NAALADL2: variants seen among roughly 807,000 people sequenced by gnomAD.
NAALADL2 encodes the protein N-acetylated alpha-linked acidic dipeptidase like 2.
NAALADL2 carries 76 observed loss-of-function variants against 87.2 expected under a neutral mutation model. The ratio of observed to expected loss-of-function variants is 0.87; its 90% CI spans 0.72 to 1.05. The LOEUF (loss-of-function observed/expected upper bound fraction) is 1.05. Ranked by LOEUF, NAALADL2 falls within the 50% of genes least tolerant of loss-of-function variation. The pLI is 0.00. For synonymous variants in NAALADL2, 354 were observed against 331.0 expected (o/e 1.07, Z -0.75); for missense variants, 1,089 against 945.8 (o/e 1.15, Z -1.99).
chr3:175,218,078 T>C (rs1464207474), intron 2 of NAALADL2: 3 of 426,696 alleles, frequency 7.0e-6, no homozygotes, highest in Non-Finnish European at 1.4e-5. Flanking sequence ...ATTTTTAGGA[T>C]AAAATGAAGC....
intron 4 of NAALADL2, among the ~76,000 whole-genome samples, chr3:175,281,082 A>G (rs1210152546): frequency 1.3e-5 from 2 of 148,560 alleles, no homozygotes; most frequent in Non-Finnish European, 3.0e-5. Flanking sequence ...TTTTCTTTTG[A>G]ATTTATATAA....
chr3:175,591,784 G>GTGTGTGTGTA (rs1443245536), intron 10 of NAALADL2, among the ~76,000 whole-genome samples: 16 of 137,018 alleles, frequency 1.2e-4, no homozygotes, highest in African/African-American at 4.2e-4. Flanking sequence ...GTGTGTGTGT[G>GTGTGTGTGTA]TATATATATA....
intron 1 of NAALADL2, among the ~76,000 whole-genome samples, chr3:174,549,874 T>A (rs1711910952): frequency 6.6e-6 from 1 of 151,950 alleles, no homozygotes; most frequent in Admixed American, 6.6e-5. Flanking sequence ...GGAGCATTTA[T>A]TCCATAACAG....
chr3:175,571,327 A>G (rs1228149787), intron 9 of NAALADL2, among the ~76,000 whole-genome samples: 1 of 152,146 alleles, frequency 6.6e-6, no homozygotes, highest in Non-Finnish European at 1.5e-5. Flanking sequence ...TGCCCCTGTT[A>G]TGAACTGGAA....
chr3:175,218,783 ATTATTTTATT>A (rs369523162), intron 2 of NAALADL2, among the ~76,000 whole-genome samples: 65 of 151,754 alleles, frequency 4.3e-4, no homozygotes, highest in African/African-American at 1.2e-3. Context: ...TATTCATTTC[ATTATTTTATT>A]TTATTTTATT....
At position 175,206,264 on chromosome 3, in the gene NAALADL2, T is replaced by TATATATATATATATATA. The variant is rs750185480; in HGVS notation, c.546-27667_546-27666insATATATATATATATATA. On this transcript the variant is annotated intron_variant, in intron 2 of 13. Transcript: ENST00000454872. ...AAAAACTATATATATATATATATAT[T>TATATATATATATATATA]TTTTTTTTTCACTGTGTGTGTGTAT... Among the ~76,000 whole-genome samples, 286 of 69,474 alleles carry TATATATATATATATATA rather than the reference T, an allele frequency of 4.1e-3. 11 individuals carry two copies. The highest frequency in any genetic ancestry group is 0.011 in the African/African-American group (186 of 16,744). The allele number at this position is 69,474 out of a possible 152,430, so 45.6% of individuals were successfully genotyped here.
At chr3:174,768,515 T>C (rs1300778759) in intron 3 of NAALADL2, among the ~76,000 whole-genome samples, 1 of 152,182 alleles carries the variant, frequency 6.6e-6, no homozygotes, top group Non-Finnish European at 1.5e-5. Context: ...CCAACTCCAG[T>C]GCTTGACTCA....
chr3:175,425,375 C>T (rs1716597397), intron 5 of NAALADL2, among the ~76,000 whole-genome samples: 1 of 152,152 alleles, frequency 6.6e-6, no homozygotes, highest in Non-Finnish European at 1.5e-5. Flanking sequence ...CCTGGCTCCT[C>T]ACTCCTCCTG....
At chr3:175,584,195 G>A (rs1720212329) in intron 10 of NAALADL2, among the ~76,000 whole-genome samples, 1 of 152,020 alleles carries the variant, frequency 6.6e-6, no homozygotes, top group Non-Finnish European at 1.5e-5. Context: ...GCACCACCAT[G>A]CCCAGCTGAT....
At chr3:174,742,041 A>G (rs954808649) in intron 3 of NAALADL2, among the ~76,000 whole-genome samples, 2 of 151,686 alleles carry the variant, frequency 1.3e-5, no homozygotes, top group African/African-American at 4.8e-5. Context: ...TTTCAAACTG[A>G]ATGTTCACCT....
intron 6 of NAALADL2, among the ~76,000 whole-genome samples, chr3:175,457,110 T>C (rs962951095): frequency 6.6e-6 from 1 of 152,038 alleles, no homozygotes; most frequent in African/African-American, 2.4e-5. Context: ...CCCCTGTTTG[T>C]AATCAGTTGA....
chr3:175,433,878 A>G lies in NAALADL2; in HGVS notation c.1091-13351A>G, dbSNP rs1047822128. Among the ~76,000 whole-genome samples the G allele has an allele frequency of 2.6e-5, 4 of 152,000 alleles. No individual in the cohort carries two copies. In the Admixed American group the frequency reaches 2.6e-4, roughly 10 times the overall value. On this transcript the variant is annotated intron_variant, in intron 5 of 13. Transcript: ENST00000454872. ...AATATTTCTGACTGGAGTTCTCTGT[A>G]GAGACACTTTTCAATGATGAAATGA...
intron 1 of NAALADL2, among the ~76,000 whole-genome samples, chr3:175,089,107 C>T (rs1220747898): frequency 6.6e-6 from 1 of 152,068 alleles, no homozygotes; most frequent in African/African-American, 2.4e-5. Context: ...TGCTTGGAAG[C>T]AATTCTTCCT....
At chr3:175,419,311 A>G (rs1715239562) in intron 5 of NAALADL2, among the ~76,000 whole-genome samples, 1 of 151,894 alleles carries the variant, frequency 6.6e-6, no homozygotes, top group Non-Finnish European at 1.5e-5. Context: ...AAATATTTCA[A>G]TAATATACTT....
At chr3:174,927,741 C>A (rs1736292941) in intron 1 of NAALADL2, among the ~76,000 whole-genome samples, 1 of 152,088 alleles carries the variant, frequency 6.6e-6, no homozygotes, top group African/African-American at 2.4e-5. Context: ...CACTAAATGG[C>A]CACAAGAGAA....
At chr3:174,786,101 A>G (rs1023593775) in intron 3 of NAALADL2, among the ~76,000 whole-genome samples, 1 of 152,122 alleles carries the variant, frequency 6.6e-6, no homozygotes, top group African/African-American at 2.4e-5. Flanking sequence ...AATTAGCATC[A>G]TGCTGCCATC....
chr3:175,410,221 C>G (rs1073232), intron 5 of NAALADL2, among the ~76,000 whole-genome samples: 102,672 of 152,000 alleles, frequency 0.68, 34,862 homozygotes, highest in East Asian at 0.81. Context: ...TGGGGTCCAA[C>G]AGGAAGAACG....
chr3:174,953,312 TCC>T (rs1560406772), intron 1 of NAALADL2, among the ~76,000 whole-genome samples: 1 of 12,176 alleles, frequency 8.2e-5, no homozygotes, highest in African/African-American at 4.7e-4. Context: ...TCCCCTCCCC[TCC>T]CCTCCCCTCC....
chr3:174,518,603 C>A (rs184220095), intron 1 of NAALADL2, among the ~76,000 whole-genome samples: 1 of 152,232 alleles, frequency 6.6e-6, no homozygotes, highest in Non-Finnish European at 1.5e-5. Flanking sequence ...ATCACCTTAA[C>A]ATGACCTGTA....
Sources: gnomAD v4.1 joint callset for allele counts (sites outside exome capture counted in the v4.1 genomes callset) on GRCh38, gnomAD v4.1.1 for gene constraint, MANE v1.5 for transcripts, NCBI Gene and HGNC (gene_info 2026-07-23, HGNC 2026-07-21) for gene names.